Variants in CREBBP observed in about 807,000 individuals in gnomAD.
CREBBP encodes CREB-binding protein.
CREBBP carries 19 observed loss-of-function variants against 265.0 expected under a neutral mutation model. That is an observed-to-expected ratio of 0.07 (90% CI 0.05 to 0.11). The LOEUF (loss-of-function observed/expected upper bound fraction) is 0.11, where lower values mean the gene tolerates loss of function less well. CREBBP is among the 10% of genes least tolerant of loss of function. The pLI, the probability that CREBBP is intolerant of heterozygous loss-of-function variation, is 1.00. For missense variants in CREBBP, 2,525 were observed against 3,219.0 expected, an observed-to-expected ratio of 0.78 and a Z score of 5.22; for synonymous variants, 1,457 against 1,223.7, an observed-to-expected ratio of 1.19 and a Z score of -3.98.
At chr16:3,746,428 G>A (rs2052344693) in intron 21 of CREBBP, among the ~76,000 whole-genome samples, 1 of 152,022 alleles carries the variant, frequency 6.6e-6, no homozygotes, top group African/African-American at 2.4e-5. Flanking sequence ...GGCTCTGTCT[G>A]GCTACCTCTC....
intron 26 of CREBBP, among the ~76,000 whole-genome samples, chr16:3,737,386 G>A (rs748246746): frequency 1.3e-5 from 2 of 151,854 alleles, no homozygotes; most frequent in Non-Finnish European, 2.9e-5. Flanking sequence ...AGACAAAGTA[G>A]ATTAGTGGTC....
intron 2 of CREBBP, among the ~76,000 whole-genome samples, chr16:3,836,942 C>T (rs1176242428): frequency 6.6e-6 from 1 of 152,172 alleles, no homozygotes; most frequent in Non-Finnish European, 1.5e-5. Flanking sequence ...CAAATCAATG[C>T]ACTACCAGCT....
intron 5 of CREBBP, among the ~76,000 whole-genome samples, chr16:3,788,303 G>A (rs556778849): frequency 2.6e-5 from 4 of 152,184 alleles, no homozygotes; most frequent in Admixed American, 2.0e-4. Flanking sequence ...TAATCACCCA[G>A]GATTTTTATA....
intron 2 of CREBBP, among the ~76,000 whole-genome samples, chr16:3,811,929 G>T (rs1485036048): frequency 6.6e-6 from 1 of 152,076 alleles, no homozygotes; most frequent in African/African-American, 2.4e-5. Context: ...TCAACAGCAG[G>T]GGATTAGTAG....
intron 19 of CREBBP, among the ~76,000 whole-genome samples, chr16:3,756,420 T>G (rs1325669377): frequency 1.3e-5 from 2 of 152,272 alleles, no homozygotes; most frequent in Non-Finnish European, 2.9e-5. Flanking sequence ...GCAAGCTGTA[T>G]TTTGTGGGAA....
At chr16:3,849,775 G>A (rs1424712484) in intron 2 of CREBBP, among the ~76,000 whole-genome samples, 1 of 151,976 alleles carries the variant, frequency 6.6e-6, no homozygotes, top group Non-Finnish European at 1.5e-5. Context: ...TGCTGCTGCT[G>A]GTCCAGGGGA....
At chr16:3,765,841 G>A (rs1030233029) in intron 16 of CREBBP, among the ~76,000 whole-genome samples, 1 of 151,756 alleles carries the variant, frequency 6.6e-6, no homozygotes, top group South Asian at 2.1e-4. Flanking sequence ...ATTAGGTTTC[G>A]CCATGTTGCC....
intron 3 of CREBBP, among the ~76,000 whole-genome samples, chr16:3,809,755 A>G (rs575234052): frequency 1.3e-4 from 20 of 152,350 alleles, no homozygotes; most frequent in African/African-American, 4.6e-4. Flanking sequence ...ACTTCAAAAT[A>G]AAAAGCATAA....
chr16:3,809,914 C>T (rs1353013941), intron 3 of CREBBP, among the ~76,000 whole-genome samples: 1 of 152,050 alleles, frequency 6.6e-6, no homozygotes, highest in Non-Finnish European at 1.5e-5. Context: ...TCACCCACCA[C>T]CAAGAGCACA....
intron 13 of CREBBP, 129 bp downstream of exon 13, chr16:3,773,622 C>G: frequency 1.0e-6 from 1 of 958,164 alleles, no homozygotes; most frequent in South Asian, 1.6e-5. Context: ...CAAAGAGAAG[C>G]TGATACAAAG....
chr16:3,791,706 C>T (rs1161584775), intron 5 of CREBBP, among the ~76,000 whole-genome samples: 2 of 152,198 alleles, frequency 1.3e-5, no homozygotes, highest in Non-Finnish European at 2.9e-5. Flanking sequence ...CAAAGTGACT[C>T]TGCTGTTCCA....
At chr16:3,876,477 T>C (rs938673501) in intron 1 of CREBBP, among the ~76,000 whole-genome samples, 1 of 150,402 alleles carries the variant, frequency 6.6e-6, no homozygotes, top group African/African-American at 2.5e-5. Flanking sequence ...GATATTTGTC[T>C]TATACTGTTA....
Position 3,731,738 on chromosome 16 carries a change from G to A in CREBBP, c.4890+38C>T, listed in dbSNP as rs753164092. ...AGCTGCGAGTCTTTCCCTCCTCCCGGCCAGAGGCACGGCTGCAGCACCGCA... is the reference window on the plus strand; with the variant it reads ...AGCTGCGAGTCTTTCCCTCCTCCCGACCAGAGGCACGGCTGCAGCACCGCA... On this transcript the variant is annotated intron_variant, in intron 29 of 30. Transcript: ENST00000262367. This position sits in a 1 kb window ranked among gnomAD's most constrained non-coding sequence, Gnocchi z 7.7. The A allele has an allele frequency of 6.2e-7, 1 of 1,613,448 alleles. No homozygotes were observed. The highest frequency in any genetic ancestry group is 8.5e-7 in the Non-Finnish European group (1 of 1,179,596).
At chr16:3,873,334 C>T (rs2055337674) in intron 1 of CREBBP, among the ~76,000 whole-genome samples, 1 of 152,180 alleles carries the variant, frequency 6.6e-6, no homozygotes, top group Non-Finnish European at 1.5e-5. Context: ...CCATCACGTT[C>T]CTATTTTTAA....
chr16:3,859,657 A>G (rs1362164757), intron 1 of CREBBP, among the ~76,000 whole-genome samples: 1 of 152,180 alleles, frequency 6.6e-6, no homozygotes, highest in Non-Finnish European at 1.5e-5. Context: ...CTAAAGCTTA[A>G]GTTGATCACC....
chr16:3,844,722 G>A (rs1009941512), intron 2 of CREBBP, among the ~76,000 whole-genome samples: 10 of 152,058 alleles, frequency 6.6e-5, no homozygotes, highest in African/African-American at 2.4e-4. Context: ...TCCTGAAAAC[G>A]TATTAGAATA....
In CREBBP at chr16:3,789,895, A is replaced by C. The variant is rs1032008369; in HGVS notation, c.1330+2086T>G. 6.6e-5 allele frequency among the ~76,000 whole-genome samples: 10 copies of C among 152,070 alleles called. No individual in the cohort carries two copies. In the East Asian group the frequency reaches 1.7e-3, roughly 26 times the overall value. On this transcript the variant is annotated intron_variant, in intron 5 of 30. Coordinates refer to ENST00000262367, the MANE Select transcript of CREBBP (RefSeq NM_004380.3). ...TATAAGGATGGTTTAAAAAAAAAAA[A>C]CCACATACGCTTCTTTTTTCTTTTA...
chr16:3,803,997 C>A (rs1051141027), intron 3 of CREBBP, among the ~76,000 whole-genome samples: 1 of 151,502 alleles, frequency 6.6e-6, no homozygotes, highest in African/African-American at 2.4e-5. Context: ...GTGGGAGGAT[C>A]GCTTGAGCCT....
rs142846349 is a variant in CREBBP at position 3,728,696 on chromosome 16, G to A, written c.6351C>T (p.Pro2117=). 2.4e-5 allele frequency: 39 copies of A among 1,614,002 alleles called. No homozygotes were observed. In the African/African-American group the frequency reaches 4.9e-4, roughly 20 times the overall value. Residue 2117 remains proline (P), a synonymous_variant, in exon 31 of 31, where the codon CCC becomes CCT. Coordinates refer to ENST00000262367, the MANE Select transcript of CREBBP (RefSeq NM_004380.3). This position sits in a 1 kb window ranked among gnomAD's most constrained non-coding sequence, Gnocchi z 8.7. Reference sequence around the variant, plus strand: ...CGGGCTGGGACTGGAGGCCAGGCTGGGGCTGCATGCCGGGCTGATTGGCCA... The same window carrying A: ...CGGGCTGGGACTGGAGGCCAGGCTGAGGCTGCATGCCGGGCTGATTGGCCA... ...KYVANQPGMQ[P]QPGLQSQPGM...
Sources: gnomAD v4.1 joint callset for allele counts (sites outside exome capture counted in the v4.1 genomes callset) on GRCh38, gnomAD v4.1.1 for gene constraint, Gnocchi (gnomAD v3.1) non-coding constraint, MANE v1.5 for transcripts, NCBI Gene and HGNC (gene_info 2026-07-23, HGNC 2026-07-21) for gene names.